Variants in PRDM5 observed in about 807,000 individuals in gnomAD.
PRDM5 encodes the protein PR/SET domain 5.
A neutral mutation model predicts 81.2 loss-of-function variants in PRDM5; 56 were observed. The ratio of observed to expected loss-of-function variants is 0.69; its 90% CI spans 0.56 to 0.86. PRDM5 has a LOEUF of 0.86. Ranked by LOEUF, PRDM5 falls within the 40% of genes least tolerant of loss-of-function variation. The pLI is 0.00. For missense variants in PRDM5, 697 were observed against 770.1 expected (o/e 0.91, Z 1.12); for synonymous variants, 267 against 256.4 (o/e 1.04, Z -0.39).
chr4:120,767,480 G>C (rs1354431651), intron 13 of PRDM5, among the ~76,000 whole-genome samples: 1 of 152,112 alleles, frequency 6.6e-6, no homozygotes, highest in Non-Finnish European at 1.5e-5. Flanking sequence ...TTGATGGACA[G>C]TTTGAATACT....
At chr4:120,835,912 G>T (rs533859895) in intron 3 of PRDM5, among the ~76,000 whole-genome samples, 1 of 152,260 alleles carries the variant, frequency 6.6e-6, no homozygotes, top group South Asian at 2.1e-4. Flanking sequence ...AACACCTAAT[G>T]TTGCCTTGGA....
chr4:120,722,377 G>A (rs980546831), intron 14 of PRDM5, among the ~76,000 whole-genome samples: 1 of 151,922 alleles, frequency 6.6e-6, no homozygotes, highest in African/African-American at 2.4e-5. Context: ...CTTCCTACCT[G>A]AGCCTCTTCC....
chr4:120,808,310 TC>T (rs1025153522), intron 8 of PRDM5, among the ~76,000 whole-genome samples: 7 of 151,970 alleles, frequency 4.6e-5, no homozygotes, highest in Non-Finnish European at 1.0e-4. Flanking sequence ...GTTCTCCACC[TC>T]CCCACTAGAT....
At chr4:120,814,706 A>G (rs1754264354) in intron 7 of PRDM5, among the ~76,000 whole-genome samples, 1 of 152,220 alleles carries the variant, frequency 6.6e-6, no homozygotes, top group South Asian at 2.1e-4. Context: ...TTTGCTTGCT[A>G]TCTCCAATAG....
chr4:120,868,761 A>G (rs991062166), intron 2 of PRDM5, among the ~76,000 whole-genome samples: 3 of 152,136 alleles, frequency 2.0e-5, no homozygotes, highest in Non-Finnish European at 4.4e-5. Context: ...TCCTGACACT[A>G]CTGTTCAGGA....
At chr4:120,829,103 A>C (rs1483824494) in intron 3 of PRDM5, among the ~76,000 whole-genome samples, 1 of 152,072 alleles carries the variant, frequency 6.6e-6, no homozygotes, top group Non-Finnish European at 1.5e-5. Flanking sequence ...CATGGTATGG[A>C]ATTAAGAGAA....
intron 3 of PRDM5, among the ~76,000 whole-genome samples, chr4:120,851,801 T>G (rs1759303880): frequency 6.6e-6 from 1 of 152,234 alleles, no homozygotes; most frequent in South Asian, 2.1e-4. Context: ...ATGAAATCAG[T>G]GTAATGTCAA....
chr4:120,721,539 T>G (rs1337037212), intron 14 of PRDM5, among the ~76,000 whole-genome samples: 2 of 152,198 alleles, frequency 1.3e-5, no homozygotes, highest in Admixed American at 6.5e-5. Context: ...ACTATTATAC[T>G]CTACCACCCC....
rs35363618 is a variant in PRDM5, at chr4:120,798,429, T to TAA, written c.1031-7_1031-6dup. 5.7e-6 allele frequency: 9 copies of TAA among 1,592,500 alleles called. No homozygotes were observed. The highest frequency in any genetic ancestry group is 7.8e-6 in the Non-Finnish European group (9 of 1,161,180). On this transcript the variant is annotated splice_polypyrimidine_tract_variant and splice_region_variant and intron_variant, in intron 9 of 15. Coordinates refer to ENST00000264808, the MANE Select transcript of PRDM5 (RefSeq NM_018699.4). ...CGCAATTATAGGGTCGTTTTTCTAT[T>TAA]AAAAAAATGAGTGGAGACAATCTCA...
At chr4:120,760,496 G>A (rs1332583398) in intron 13 of PRDM5, among the ~76,000 whole-genome samples, 1 of 152,036 alleles carries the variant, frequency 6.6e-6, no homozygotes, top group African/African-American at 2.4e-5. Context: ...GAACACAGCA[G>A]CATAAATAAT....
chr4:120,798,130 G>A (rs1751586435), intron 10 of PRDM5, 137 bp downstream of exon 10: 1 of 574,086 alleles, frequency 1.7e-6, no homozygotes, highest in Non-Finnish European at 2.8e-6. Context: ...AGGGGTTATG[G>A]CCCAGGTGAG....
chr4:120,763,491 G>A (rs371935751), intron 13 of PRDM5, among the ~76,000 whole-genome samples: 1 of 152,122 alleles, frequency 6.6e-6, no homozygotes, highest in East Asian at 1.9e-4. Context: ...CAAGGGGACT[G>A]TTCCACAAAC....
intron 7 of PRDM5, among the ~76,000 whole-genome samples, chr4:120,812,210 C>T (rs1310771590): frequency 6.6e-6 from 1 of 152,048 alleles, no homozygotes; most frequent in Non-Finnish European, 1.5e-5. Context: ...AGGTTGATTC[C>T]AAATATTGGC....
At chr4:120,738,348 G>T (rs1450750268) in intron 14 of PRDM5, among the ~76,000 whole-genome samples, 1 of 152,198 alleles carries the variant, frequency 6.6e-6, no homozygotes, top group African/African-American at 2.4e-5. Context: ...TCGTATAATG[G>T]TGATGAACCT....
chr4:120,816,704 G>T, intron 6 of PRDM5, 128 bp downstream of exon 6: 1 of 1,494,846 alleles, frequency 6.7e-7, no homozygotes, highest in Non-Finnish European at 9.3e-7. Flanking sequence ...CATTACCTAT[G>T]CAGGTAAGAA....
chr4:120,831,625 GA>G (rs1756724394), intron 3 of PRDM5, among the ~76,000 whole-genome samples: 1 of 151,948 alleles, frequency 6.6e-6, no homozygotes, highest in South Asian at 2.1e-4. Context: ...TATAAAAGGG[GA>G]AAATCACAAC....
chr4:120,877,979 C>A (rs756080322), intron 2 of PRDM5, among the ~76,000 whole-genome samples: 5 of 152,086 alleles, frequency 3.3e-5, no homozygotes, highest in Non-Finnish European at 5.9e-5. Flanking sequence ...AAAAAACTAA[C>A]CACCTTGTTT....
rs1022115459 is a variant in PRDM5 at position 120,694,386 on chromosome 4, A to C, written c.*725T>G. On this transcript the variant is annotated 3_prime_UTR_variant, in exon 16 of 16. Transcript: ENST00000264808. ...AATGTGATGGTCATTTTTGTGTAGA[A>C]CTTATAAAAGTATTCCAGACCATGA... The C allele has an allele frequency of 6.6e-6, 1 of 152,118 alleles. No homozygotes were observed. Among genetic ancestry groups the C allele is most frequent in the Non-Finnish European group, 1.5e-5 (1 of 67,994 alleles). The allele number at this position is 152,118 out of a possible 1,614,324, so 9.4% of individuals were successfully genotyped here. A position where few individuals can be genotyped will look rare whatever the true frequency, so the allele number is the denominator to read the frequency against.
At chr4:120,804,392 C>T (rs996306862) in intron 8 of PRDM5, among the ~76,000 whole-genome samples, 55 of 152,132 alleles carry the variant, frequency 3.6e-4, no homozygotes, top group South Asian at 6.2e-4. Flanking sequence ...ATCAACAGAA[C>T]ATACATTCTT....
Sources: gnomAD v4.1 joint callset for allele counts (sites outside exome capture counted in the v4.1 genomes callset) on GRCh38, gnomAD v4.1.1 for gene constraint, MANE v1.5 for transcripts, NCBI Gene and HGNC (gene_info 2026-07-23, HGNC 2026-07-21) for gene names.